The following CNOT6L variants were observed in gnomAD, a reference collection of about 807,000 sequenced individuals.
The protein encoded by CNOT6L is CCR4-NOT transcription complex subunit 6-like.
A neutral mutation model predicts 64.0 loss-of-function variants in CNOT6L; 7 were observed. The observed-to-expected ratio is 0.11, with a 90% CI of 0.06 to 0.21. The LOEUF (loss-of-function observed/expected upper bound fraction) is 0.21, where lower values mean the gene tolerates loss of function less well. Ranked by LOEUF, CNOT6L falls within the 10% of genes least tolerant of loss-of-function variation. CNOT6L has a pLI of 1.00. For missense variants in CNOT6L, 245 were observed against 669.0 expected (o/e 0.37, Z 6.99); for synonymous variants, 193 against 243.4 (o/e 0.79, Z 1.93).
intron 8 of CNOT6L, among the ~76,000 whole-genome samples, chr4:77,735,609 C>T (rs1023787447): frequency 1.3e-5 from 2 of 152,124 alleles, no homozygotes; most frequent in Non-Finnish European, 1.5e-5. Flanking sequence ...CCAATCTCAC[C>T]GTCTTGGTTT....
intron 4 of CNOT6L, 103 bp from the exon 5 acceptor site, chr4:77,757,054 T>A: frequency 3.7e-6 from 2 of 538,540 alleles, no homozygotes; most frequent in Non-Finnish European, 6.5e-6. Flanking sequence ...ATTCAATTTC[T>A]TAAATTGAAT....
chr4:77,811,603 T>G (rs938942997), intron 1 of CNOT6L, among the ~76,000 whole-genome samples: 1 of 152,036 alleles, frequency 6.6e-6, no homozygotes, highest in South Asian at 2.1e-4. Flanking sequence ...GAGGAAAATC[T>G]AGCCCCTCTT....
chr4:77,804,411 G>A (rs1337965983), intron 1 of CNOT6L, among the ~76,000 whole-genome samples: 2 of 148,748 alleles, frequency 1.3e-5, no homozygotes, highest in Non-Finnish European at 3.0e-5. Context: ...CCTGGGTGAT[G>A]CAGCAAGACC....
chr4:77,754,982 G>A (rs1725354808), intron 5 of CNOT6L, among the ~76,000 whole-genome samples: 1 of 136,916 alleles, frequency 7.3e-6, no homozygotes, highest in Admixed American at 7.9e-5. Context: ...TCTTAAAAAG[G>A]ATAAAAGCGG....
chr4:77,758,814 G>A (rs1350859893), intron 4 of CNOT6L, among the ~76,000 whole-genome samples: 2 of 152,114 alleles, frequency 1.3e-5, no homozygotes, highest in East Asian at 1.9e-4. Flanking sequence ...TTCCAAAAGG[G>A]GGCAAGAGAA....
At position 77,714,438 on chromosome 4, in the gene CNOT6L, TAAAAAAAAAAAAAAAAAAAAAAA is replaced by T. The variant is rs201499481; in HGVS notation, c.*5970_*5992del. The T allele has an allele frequency of 0.68, 92,428 of 134,948 alleles. 31,398 individuals are homozygous for T. The highest frequency in any genetic ancestry group is 0.86 in the East Asian group (4,050 of 4,718). 8.4% of individuals were successfully genotyped at this position (134,948 alleles called of 1,614,324 possible). A position where few individuals can be genotyped will look rare whatever the true frequency, so the allele number is the denominator to read the frequency against. ...AGAAAAAGTACATACACACTCTCTTTAAAAAAAAAAAAAAAAAAAAAAAAAAAAAAAAAAAAAGCCCTCCATAC... is the reference window on the plus strand; with the variant it reads ...AGAAAAAGTACATACACACTCTCTTTAAAAAAAAAAAAAAGCCCTCCATAC... On this transcript the variant is annotated 3_prime_UTR_variant, in exon 12 of 12. Coordinates refer to ENST00000504123, the MANE Select transcript of CNOT6L (RefSeq NM_144571.3).
At chr4:77,809,682 G>T (rs915118510) in intron 1 of CNOT6L, among the ~76,000 whole-genome samples, 1 of 152,078 alleles carries the variant, frequency 6.6e-6, no homozygotes, top group African/African-American at 2.4e-5. Flanking sequence ...GAGACATTAA[G>T]GTTGGGATAT....
intron 7 of CNOT6L, 50 bp downstream of exon 7, chr4:77,744,663 CTTATG>C: frequency 6.8e-7 from 1 of 1,474,006 alleles, no homozygotes; most frequent in African/African-American, 1.4e-5. Flanking sequence ...CAGATCTTCT[CTTATG>C]TTTAAGTTCA....
chr4:77,721,736 G>A (rs1454331778), intron 11 of CNOT6L, among the ~76,000 whole-genome samples: 1 of 152,060 alleles, frequency 6.6e-6, no homozygotes, highest in African/African-American at 2.4e-5. Context: ...TTTGGGAAGT[G>A]GGGGCAAGAG....
rs1560420011 is a variant in CNOT6L, at chr4:77,779,071, AAAC to A, written c.6-2682_6-2680del. Among the ~76,000 whole-genome samples, 28 of 106,926 alleles carry A rather than the reference AAAC, an allele frequency of 2.6e-4. 5 individuals carry two copies. The highest frequency in any genetic ancestry group is 4.9e-4 in the East Asian group (2 of 4,096). The allele number at this position is 106,926 out of a possible 152,430, so 70.1% of individuals were successfully genotyped here. ...CAAAAAAAAAAAAAAAACAAAAAAA[AAAC>A]ACAAAAAACACACAGGCATAGGATT... On this transcript the variant is annotated intron_variant, in intron 1 of 11. Transcript: ENST00000504123.
intron 1 of CNOT6L, among the ~76,000 whole-genome samples, chr4:77,789,532 GGGT>G (rs1729858896): frequency 6.6e-6 from 1 of 150,618 alleles, no homozygotes; most frequent in African/African-American, 2.4e-5. Context: ...AAATTAGCTG[GGGT>G]GGTGGTGCAT....
intron 7 of CNOT6L, 193 bp from the exon 8 acceptor site, chr4:77,742,488 A>G: frequency 1.5e-6 from 1 of 655,918 alleles, no homozygotes; most frequent in South Asian, 1.6e-5. Context: ...AAAGAACCAG[A>G]AAGGTGACAT....
intron 1 of CNOT6L, among the ~76,000 whole-genome samples, chr4:77,805,907 G>A (rs1410997937): frequency 1.3e-5 from 2 of 152,118 alleles, no homozygotes; most frequent in East Asian, 1.9e-4. Context: ...TTCAGGCAAC[G>A]ATAGAAATCA....
upstream of CNOT6L, chr4:77,819,546 G>A (rs1369670181): frequency 5.7e-6 from 3 of 522,488 alleles, no homozygotes; most frequent in Non-Finnish European, 8.7e-6. Context: ...GGCGCGCAGG[G>A]AACCCGGGCC....
At chr4:77,774,776 T>C (rs1727972673) in intron 2 of CNOT6L, 60 bp from the exon 3 acceptor site, 1 of 1,084,220 alleles carries the variant, frequency 9.2e-7, no homozygotes, top group African/African-American at 1.6e-5. Context: ...ACACCTAAAC[T>C]ACAACGACTG....
intron 1 of CNOT6L, among the ~76,000 whole-genome samples, chr4:77,785,395 T>G (rs1729316382): frequency 6.6e-6 from 1 of 152,042 alleles, no homozygotes; most frequent in African/African-American, 2.4e-5. Flanking sequence ...ATAAAAAGCA[T>G]GATCCATAAA....
At position 77,717,197 on chromosome 4, in the gene CNOT6L, C is replaced by A. The variant is rs141879094; in HGVS notation, c.*3234G>T. The stretch of plus-strand genomic sequence containing the variant: ...GCACAATATTTTAAAACAAAATCAA[C>A]GAGCAAGGAGCAGTAGGTGGATCTG... On this transcript the variant is annotated 3_prime_UTR_variant, in exon 12 of 12. Coordinates refer to ENST00000504123, the MANE Select transcript of CNOT6L (RefSeq NM_144571.3). 1.0e-4 allele frequency: 16 copies of A among 152,466 alleles called. No homozygotes were observed. In the South Asian group the frequency reaches 2.9e-3, roughly 28 times the overall value. 9.4% of individuals were successfully genotyped at this position (152,466 alleles called of 1,614,324 possible).
intron 11 of CNOT6L, among the ~76,000 whole-genome samples, chr4:77,722,394 C>T (rs1721371014): frequency 6.6e-6 from 1 of 152,050 alleles, no homozygotes; most frequent in African/African-American, 2.4e-5. Context: ...AACCTCCTCT[C>T]TACTAAAAAT....
intron 1 of CNOT6L, among the ~76,000 whole-genome samples, chr4:77,807,230 A>G (rs1732331403): frequency 6.8e-6 from 1 of 147,042 alleles, no homozygotes; most frequent in Non-Finnish European, 1.5e-5. Context: ...GTGAGCCGAG[A>G]TCGCGCCACT....
Sources: allele counts gnomAD v4.1 joint callset (sites outside exome capture counted in the v4.1 genomes callset), GRCh38; gene constraint gnomAD v4.1.1; transcripts MANE v1.5; gene names NCBI Gene and HGNC (gene_info 2026-07-23, HGNC 2026-07-21).